Variants in TMEM150C observed in about 807,000 individuals in gnomAD.
The protein encoded by TMEM150C is tentonin 3.
TMEM150C carries 10 observed loss-of-function variants against 29.9 expected under a neutral mutation model. That is an observed-to-expected ratio of 0.33 (90% CI 0.21 to 0.57). TMEM150C has a LOEUF of 0.57. Among genes scored for constraint, TMEM150C ranks in the 20% least tolerant of loss-of-function variants. The pLI is 0.88. For synonymous variants in TMEM150C, 101 were observed against 112.5 expected, an observed-to-expected ratio of 0.90 and a Z score of 0.64; for missense variants, 251 against 303.6, an observed-to-expected ratio of 0.83 and a Z score of 1.29.
At chr4:82,527,272 C>T (rs1343151492) in intron 1 of TMEM150C, among the ~76,000 whole-genome samples, 1 of 152,092 alleles carries the variant, frequency 6.6e-6, no homozygotes, top group South Asian at 2.1e-4. Context: ...TACAAAAATG[C>T]TCCCATTTTA....
chr4:82,490,776 T>G, intron 6 of TMEM150C: 1 of 401,370 alleles, frequency 2.5e-6, no homozygotes, highest in Non-Finnish European at 4.7e-6. Flanking sequence ...GGAAAATTTG[T>G]ATTACTTTAA....
rs1560483889 is a variant in TMEM150C, at chr4:82,503,088, G to T, written c.105C>A (p.Asp35Glu). 3 of 1,611,546 alleles carry T rather than the reference G, an allele frequency of 1.9e-6. No individual in the cohort carries two copies. Among genetic ancestry groups the T allele is most frequent in the Middle Eastern group, 1.7e-4 (1 of 5,752 alleles). Residue 35 changes from aspartate to glutamate, a missense_variant, in exon 3 of 8, where the codon GAC (aspartate) becomes GAA (glutamate). Coordinates refer to ENST00000449862, the MANE Select transcript of TMEM150C (RefSeq NM_001080506.3). ...CAGCTGAATTTAATGGTAAAATTTT[G>T]TCATCTTCCACAGCTATGAAGTATC... is the stretch of plus-strand genomic sequence containing the variant. ...WIVYFIAVEDDKILPLNSAER... is the reference protein window; with the variant it reads ...WIVYFIAVEDEKILPLNSAER...
At chr4:82,509,890 A>C (rs1027279279) in intron 1 of TMEM150C, 5 of 152,220 alleles carry the variant, frequency 3.3e-5, no homozygotes, top group African/African-American at 1.2e-4. Flanking sequence ...GATAGTTTGT[A>C]CAGTGTTAGC....
At chr4:82,561,075 G>A (rs1169488774) in intron 1 of TMEM150C, among the ~76,000 whole-genome samples, 1 of 152,184 alleles carries the variant, frequency 6.6e-6, no homozygotes, top group African/African-American at 2.4e-5. Flanking sequence ...ATAAAGTGCT[G>A]TGGGGGTAGG....
intron 1 of TMEM150C, among the ~76,000 whole-genome samples, chr4:82,540,111 A>ATTT (rs1725149884): frequency 3.4e-5 from 1 of 29,776 alleles, no homozygotes; most frequent in Non-Finnish European, 9.1e-5. Context: ...GTTTCTACCT[A>ATTT]TTCTTTTTTT....
chr4:82,518,378 C>CA (rs1418354260), intron 1 of TMEM150C, among the ~76,000 whole-genome samples: 1 of 152,084 alleles, frequency 6.6e-6, no homozygotes, highest in Non-Finnish European at 1.5e-5. Context: ...GGCCTCTGGC[C>CA]AGTGTGCCCC....
upstream of TMEM150C, chr4:82,562,186 C>A (rs949558629): frequency 3.3e-5 from 42 of 1,282,196 alleles, no homozygotes; most frequent in African/African-American, 6.0e-4. Flanking sequence ...CGGGTGTGGG[C>A]GGGCGAGCCG....
At chr4:82,532,664 T>C (rs1724883596) in intron 1 of TMEM150C, among the ~76,000 whole-genome samples, 1 of 152,098 alleles carries the variant, frequency 6.6e-6, no homozygotes, top group Admixed American at 6.5e-5. Context: ...AACTTTAAGT[T>C]ATAGGTTACA....
chr4:82,561,643 C>T (rs1438894964), intron 1 of TMEM150C, among the ~76,000 whole-genome samples: 1 of 146,438 alleles, frequency 6.8e-6, no homozygotes, highest in Non-Finnish European at 1.5e-5. Context: ...GTTCGCAGGT[C>T]GCGGGGCAGA....
At position 82,561,565 on chromosome 4, in the gene TMEM150C, CG is replaced by C. The variant is rs1323305658; in HGVS notation, c.-11+340del. ...CAAAGGACGGGGCCGGGGCCGGGGC[CG>C]GGGCCGCAGCGGGCGGGCTGGCTGG... is the stretch of plus-strand genomic sequence containing the variant. On this transcript the variant is annotated intron_variant, in intron 1 of 7. Coordinates refer to ENST00000449862, the MANE Select transcript of TMEM150C (RefSeq NM_001080506.3). Among the ~76,000 whole-genome samples the C allele has an allele frequency of 2.0e-5, 3 of 150,252 alleles. No individual in the cohort carries two copies. In the East Asian group the frequency reaches 5.8e-4, roughly 29 times the overall value.
intron 1 of TMEM150C, among the ~76,000 whole-genome samples, chr4:82,559,390 C>CAA (rs55656515): frequency 0.036 from 4,698 of 131,048 alleles, 96 homozygotes; most frequent in Non-Finnish European, 0.049. Flanking sequence ...ACTAAAAATA[C>CAA]AAAAAAAAAA....
chr4:82,510,142 G>A (rs1175442298), intron 1 of TMEM150C, among the ~76,000 whole-genome samples: 1 of 152,034 alleles, frequency 6.6e-6, no homozygotes, highest in African/African-American at 2.4e-5. Context: ...AGCCGGGCAT[G>A]GTGGCACGCG....
chr4:82,496,191 A>C lies in TMEM150C; in HGVS notation c.240T>G (p.Leu80=). The change falls in exon 6 of 8, where the codon CTT becomes CTG. Residue 80 remains leucine (L), a synonymous_variant. Coordinates refer to ENST00000449862, the MANE Select transcript of TMEM150C (RefSeq NM_001080506.3). ...QVMNMAAFLA[L]VVAVLRFIQL... ...GTATGAAGCGCAGAACAGCTACCAC[A>C]AGGGCTAGGAATAAAGCAAAGTCTT... 1.9e-6 allele frequency: 3 copies of C among 1,613,876 alleles called. No homozygotes were observed. The highest frequency in any genetic ancestry group is 2.5e-6 in the Non-Finnish European group (3 of 1,179,790).
chr4:82,524,547 G>C (rs190405287), intron 1 of TMEM150C, among the ~76,000 whole-genome samples: 11 of 152,222 alleles, frequency 7.2e-5, no homozygotes, highest in Admixed American at 7.2e-4. Flanking sequence ...TTGTCTTTAT[G>C]ATGTCTTTCC....
At chr4:82,539,554 G>A (rs1389759398) in intron 1 of TMEM150C, among the ~76,000 whole-genome samples, 2 of 151,840 alleles carry the variant, frequency 1.3e-5, no homozygotes, top group African/African-American at 4.8e-5. Context: ...CCGGGTTCAC[G>A]CCATTCTCCT....
chr4:82,561,011 C>T (rs1208835587), intron 1 of TMEM150C, among the ~76,000 whole-genome samples: 1 of 152,182 alleles, frequency 6.6e-6, no homozygotes, highest in African/African-American at 2.4e-5. Flanking sequence ...CCGTGAAAGG[C>T]GGTCTGGCCG....
chr4:82,548,577 G>GA (rs1725460060), intron 1 of TMEM150C, among the ~76,000 whole-genome samples: 2 of 152,154 alleles, frequency 1.3e-5, no homozygotes, highest in African/African-American at 4.8e-5. Flanking sequence ...CCAAATTGCT[G>GA]AGCTTGCTGG....
At chr4:82,535,828 ATTAACATT>A (rs1724985082) in intron 1 of TMEM150C, among the ~76,000 whole-genome samples, 1 of 152,208 alleles carries the variant, frequency 6.6e-6, no homozygotes, top group Admixed American at 6.5e-5. Context: ...CAGAGGCACT[ATTAACATT>A]TTAGCTGAAT....
chr4:82,522,058 T>A (rs1251295889), intron 1 of TMEM150C, among the ~76,000 whole-genome samples: 1 of 151,876 alleles, frequency 6.6e-6, no homozygotes, highest in Non-Finnish European at 1.5e-5. Flanking sequence ...GCGAGAACTT[T>A]ATTCAAAAAA....
Sources: allele counts gnomAD v4.1 joint callset (sites outside exome capture counted in the v4.1 genomes callset), GRCh38; gene constraint gnomAD v4.1.1; transcripts MANE v1.5; gene names NCBI Gene and HGNC (gene_info 2026-07-23, HGNC 2026-07-21).